The following NTAQ1 variants were observed in gnomAD, a reference collection of about 807,000 sequenced individuals.
The protein encoded by NTAQ1 is protein N-terminal glutamine amidohydrolase.
NTAQ1 carries 21 observed loss-of-function variants against 28.2 expected under a neutral mutation model. That is an observed-to-expected ratio of 0.74 (90% CI 0.53 to 1.07). NTAQ1 has a LOEUF of 1.07. Ranked by LOEUF, NTAQ1 falls within the 50% of genes least tolerant of loss-of-function variation. The pLI is 0.00. For missense variants in NTAQ1, 264 were observed against 256.6 expected (o/e 1.03, Z -0.20); for synonymous variants, 105 against 90.0 (o/e 1.17, Z -0.94).
intron 3 of NTAQ1, among the ~76,000 whole-genome samples, chr8:123,432,515 G>A (rs1474333764): frequency 6.6e-6 from 1 of 151,682 alleles, no homozygotes; most frequent in African/African-American, 2.4e-5. Context: ...GGCGCTTGTA[G>A]TCCCAGCTAC....
At chr8:123,467,335 C>A (rs964990053) in exon 7 of NTAQ1, 1 of 152,092 alleles carries the variant, frequency 6.6e-6, no homozygotes, top group African/African-American at 2.4e-5. Flanking sequence ...TGCGCCCGGC[C>A]GCCAAATTGC....
chr8:123,437,989 G>A, intron 5 of NTAQ1: 1 of 570,476 alleles, frequency 1.8e-6, no homozygotes, highest in East Asian at 2.9e-5. Flanking sequence ...GCCATGGTAG[G>A]GTTTTGTGCT....
downstream of NTAQ1, among the ~76,000 whole-genome samples, chr8:123,444,798 G>T (rs7826350): frequency 2.6e-5 from 4 of 152,130 alleles, no homozygotes; most frequent in East Asian, 3.9e-4. Context: ...CGTGAGCCAC[G>T]GTGCCCAGCC....
chr8:123,441,360 G>T lies in NTAQ1; in HGVS notation c.563G>T (p.Gly188Val), dbSNP rs1454832776. 6.2e-7 allele frequency: 1 copy of T among 1,612,468 alleles called. No homozygotes were observed. The highest frequency in any genetic ancestry group is 8.5e-7 in the Non-Finnish European group (1 of 1,179,130). The change falls in exon 6 of 6, where the codon GGC becomes GTC. Residue 188 changes from glycine to valine, a missense_variant. By Grantham distance (109) the Gly-to-Val change is moderately radical. Transcript: ENST00000287387. ...AGTATGGATCCCAAGGTAGGATGGG[G>T]CGCCGTCTACACACTATCCGAATTT... is the stretch of plus-strand genomic sequence containing the variant. Reference protein sequence around the residue: ...FISMDPKVGWGAVYTLSEFTH... With the variant: ...FISMDPKVGWVAVYTLSEFTH...
chr8:123,438,433 A>G (rs1271187638), intron 5 of NTAQ1, among the ~76,000 whole-genome samples: 1 of 152,078 alleles, frequency 6.6e-6, no homozygotes, highest in African/African-American at 2.4e-5. Context: ...AGGTGGGTGG[A>G]CCACCTGAGG....
chr8:123,462,058 T>A (rs998868309), intron 6 of NTAQ1, among the ~76,000 whole-genome samples: 28 of 152,208 alleles, frequency 1.8e-4, no homozygotes, highest in South Asian at 4.2e-4. Flanking sequence ...TTTTTAAAAA[T>A]TTTTTTTAAG....
intron 2 of NTAQ1, among the ~76,000 whole-genome samples, chr8:123,429,575 C>G (rs1019260622): frequency 2.6e-5 from 4 of 151,578 alleles, no homozygotes; most frequent in Non-Finnish European, 4.4e-5. Context: ...ATCACAAGAT[C>G]CTGTCTTGGC....
chr8:123,440,886 G>A (rs909734949), intron 5 of NTAQ1, among the ~76,000 whole-genome samples: 2 of 152,144 alleles, frequency 1.3e-5, no homozygotes, highest in South Asian at 2.1e-4. Context: ...TGCATGTTAC[G>A]AGTTCTCTCC....
At chr8:123,445,813 C>T (rs1167240235), downstream of NTAQ1, among the ~76,000 whole-genome samples, 2 of 151,802 alleles carry the variant, frequency 1.3e-5, no homozygotes, top group African/African-American at 4.8e-5. Flanking sequence ...ACCATGTTGG[C>T]CAGGCTGGTC....
chr8:123,434,089 G>A (rs983974055), intron 3 of NTAQ1, among the ~76,000 whole-genome samples: 2 of 152,074 alleles, frequency 1.3e-5, no homozygotes, highest in African/African-American at 2.4e-5. Flanking sequence ...GAGTGAGGTT[G>A]CCGAGGGGAG....
chr8:123,419,002 T>C (rs1327365549), intron 1 of NTAQ1, among the ~76,000 whole-genome samples: 1 of 151,778 alleles, frequency 6.6e-6, no homozygotes, highest in Non-Finnish European at 1.5e-5. Flanking sequence ...AATCGCCTCT[T>C]GCTGAGAACC....
At chr8:123,432,366 G>A (rs569863712) in intron 3 of NTAQ1, among the ~76,000 whole-genome samples, 24 of 152,176 alleles carry the variant, frequency 1.6e-4, no homozygotes, top group Admixed American at 1.2e-3. Flanking sequence ...CAGGTTGGGC[G>A]TGGTGGCTCA....
intron 3 of NTAQ1, among the ~76,000 whole-genome samples, chr8:123,431,653 G>GCCTA (rs1814402849): frequency 6.6e-6 from 1 of 152,196 alleles, no homozygotes; most frequent in Non-Finnish European, 1.5e-5. Context: ...TAGGAGCACA[G>GCCTA]GCTCTGGAGT....
chr8:123,442,854 G>T (rs1815131616), downstream of NTAQ1, among the ~76,000 whole-genome samples: 1 of 147,786 alleles, frequency 6.8e-6, no homozygotes, highest in African/African-American at 2.5e-5. Context: ...TTTTAGTAGA[G>T]ACGTGGTTTC....
At chr8:123,466,556 C>T (rs950637540) in intron 6 of NTAQ1, among the ~76,000 whole-genome samples, 3 of 152,252 alleles carry the variant, frequency 2.0e-5, no homozygotes, top group Non-Finnish European at 4.4e-5. Context: ...ATGTGACCAT[C>T]AGACTGTCAT....
intron 3 of NTAQ1, among the ~76,000 whole-genome samples, chr8:123,433,490 C>T (rs1480029620): frequency 1.3e-5 from 2 of 152,006 alleles, no homozygotes; most frequent in African/African-American, 4.8e-5. Context: ...CTCTGTTGCC[C>T]AGGCTGGAGT....
chr8:123,434,141 AT>A (rs1244754465), intron 3 of NTAQ1, among the ~76,000 whole-genome samples: 1 of 150,938 alleles, frequency 6.6e-6, no homozygotes, highest in Non-Finnish European at 1.5e-5. Context: ...TCCTGCCTGC[AT>A]TGCTCTCCTG....
At chr8:123,438,621 G>A (rs1446192277) in intron 5 of NTAQ1, among the ~76,000 whole-genome samples, 3 of 148,486 alleles carry the variant, frequency 2.0e-5, no homozygotes, top group African/African-American at 5.0e-5. Flanking sequence ...GCAGTGAGCC[G>A]AGATCGCACC....
At chr8:123,417,695 TCCTCCC>T (rs1813387331) in intron 1 of NTAQ1, among the ~76,000 whole-genome samples, 1 of 152,058 alleles carries the variant, frequency 6.6e-6, no homozygotes, top group Admixed American at 6.6e-5. Flanking sequence ...CTAAACCTAC[TCCTCCC>T]CCTTCTGCTG....
Sources: gnomAD v4.1 joint callset for allele counts (sites outside exome capture counted in the v4.1 genomes callset) on GRCh38, gnomAD v4.1.1 for gene constraint, MANE v1.5 for transcripts, NCBI Gene and HGNC (gene_info 2026-07-23, HGNC 2026-07-21) for gene names.